NTN1: variants seen among roughly 807,000 people sequenced by gnomAD.
NTN1 encodes netrin 1, also known as netrin-1.
NTN1 carries 11 observed loss-of-function variants against 54.2 expected under a neutral mutation model. The observed-to-expected ratio is 0.20, with a 90% CI of 0.13 to 0.34. The LOEUF is 0.34. Among genes scored for constraint, NTN1 ranks in the 10% least tolerant of loss-of-function variants. The probability of loss-of-function intolerance (pLI) is 1.00; values close to 1 mark genes in which losing one functional copy is unlikely to be tolerated. For missense variants in NTN1, 740 were observed against 893.1 expected (o/e 0.83, Z 2.18); for synonymous variants, 371 against 382.0 (o/e 0.97, Z 0.33).
chr17:9,137,563 T>C (rs8077560), intron 2 of NTN1, among the ~76,000 whole-genome samples: 17,685 of 152,050 alleles, frequency 0.12, 2,136 homozygotes, highest in African/African-American at 0.31. Context: ...GAGGCCAAGG[T>C]GGGTGGATCA....
At chr17:9,015,479 G>A in the NTN1 span, among the ~76,000 whole-genome samples, 1 of 151,934 alleles carries the variant, frequency 6.6e-6, no homozygotes, top group African/African-American at 2.4e-5. Flanking sequence ...CAAGACAAAG[G>A]CACCCCCGGC....
At chr17:9,231,696 C>T (rs879262057) in intron 6 of NTN1, among the ~76,000 whole-genome samples, 4 of 150,476 alleles carry the variant, frequency 2.7e-5, no homozygotes, top group Non-Finnish European at 5.9e-5. Context: ...GGTTCTCAGC[C>T]GGGCCACTCC....
intron 2 of NTN1, among the ~76,000 whole-genome samples, chr17:9,155,819 G>T (rs1310131649): frequency 6.6e-6 from 1 of 152,180 alleles, no homozygotes; most frequent in Non-Finnish European, 1.5e-5. Context: ...ACTGTCCTGT[G>T]CATTGTAGGA....
intron 6 of NTN1, among the ~76,000 whole-genome samples, chr17:9,237,956 C>G (rs1906047741): frequency 1.3e-5 from 2 of 152,292 alleles, no homozygotes; most frequent in South Asian, 4.1e-4. Context: ...GTGCAAAGTT[C>G]AGGATGCCCA....
At chr17:9,228,844 G>A (rs1905687725) in intron 6 of NTN1, among the ~76,000 whole-genome samples, 1 of 140,262 alleles carries the variant, frequency 7.1e-6, no homozygotes, top group African/African-American at 2.8e-5. Context: ...GTGTGTGTGT[G>A]TGTGTGTGAC....
At chr17:9,127,549 G>A (rs971558436) in intron 2 of NTN1, among the ~76,000 whole-genome samples, 2 of 152,090 alleles carry the variant, frequency 1.3e-5, no homozygotes, top group African/African-American at 4.8e-5. Context: ...GGTGGCAGGT[G>A]CAGAGAAGAG....
At chr17:9,223,225 A>C (rs1454274967) in intron 6 of NTN1, among the ~76,000 whole-genome samples, 1 of 152,206 alleles carries the variant, frequency 6.6e-6, no homozygotes, top group Non-Finnish European at 1.5e-5. Flanking sequence ...GTGCGTCTCC[A>C]AGCCAGGAAA....
chr17:9,214,178 C>G (rs79426914), intron 5 of NTN1, among the ~76,000 whole-genome samples: 11,801 of 152,084 alleles, frequency 0.078, 524 homozygotes, highest in Non-Finnish European at 0.092. Context: ...GAATTGAATG[C>G]ATTTCATTTA....
chr17:9,213,701 C>T (rs1400872231), intron 5 of NTN1, among the ~76,000 whole-genome samples: 1 of 152,166 alleles, frequency 6.6e-6, no homozygotes, highest in African/African-American at 2.4e-5. Flanking sequence ...AGCTTTCCAT[C>T]TTTTTCTGTG....
intron 2 of NTN1, among the ~76,000 whole-genome samples, chr17:9,061,714 G>GT (rs1208691209): frequency 2.0e-5 from 3 of 151,464 alleles, no homozygotes; most frequent in East Asian, 1.9e-4. Flanking sequence ...GTTTTGTTTT[G>GT]TTTTTTTGAG....
intron 2 of NTN1, among the ~76,000 whole-genome samples, chr17:9,088,617 AC>A (rs1242592792): frequency 6.6e-6 from 1 of 151,952 alleles, no homozygotes; most frequent in African/African-American, 2.4e-5. Context: ...GAGGACTGAG[AC>A]CCCAGGGCAG....
intron 2 of NTN1, among the ~76,000 whole-genome samples, chr17:9,141,880 G>A (rs143046759): frequency 0.027 from 4,043 of 152,184 alleles, 60 homozygotes; most frequent in Middle Eastern, 0.044. Flanking sequence ...TGGCCAACAT[G>A]GTGAAACCCT....
At chr17:9,004,032 A>G in the NTN1 span, among the ~76,000 whole-genome samples, 1 of 152,152 alleles carries the variant, frequency 6.6e-6, no homozygotes, top group Non-Finnish European at 1.5e-5. Flanking sequence ...GCGGGGGCCG[A>G]GGGAAACGGG....
chr17:9,010,905 TA>T, the NTN1 span, among the ~76,000 whole-genome samples: 1 of 152,156 alleles, frequency 6.6e-6, no homozygotes, highest in Non-Finnish European at 1.5e-5. Context: ...TGGTAATGTG[TA>T]ATGAGATAAT....
chr17:9,193,614 G>A (rs1271052044), intron 5 of NTN1, among the ~76,000 whole-genome samples: 2 of 152,036 alleles, frequency 1.3e-5, no homozygotes, highest in Admixed American at 6.6e-5. Context: ...TGTTTTGCTC[G>A]CTGGTTTAAT....
chr17:9,126,754 A>T (rs780970519), intron 2 of NTN1, among the ~76,000 whole-genome samples: 1 of 152,074 alleles, frequency 6.6e-6, no homozygotes, highest in Non-Finnish European at 1.5e-5. Flanking sequence ...TCAAGCACAG[A>T]TAGAGGGAAC....
chr17:9,018,742 C>G (rs996375538), upstream of NTN1, among the ~76,000 whole-genome samples: 1 of 152,034 alleles, frequency 6.6e-6, no homozygotes, highest in Non-Finnish European at 1.5e-5. Context: ...GTCAGCTGAG[C>G]ACCCCAATTT....
intron 2 of NTN1, among the ~76,000 whole-genome samples, chr17:9,131,210 C>A (rs909098051): frequency 1.3e-5 from 2 of 152,208 alleles, no homozygotes; most frequent in African/African-American, 2.4e-5. Context: ...TCCGTGATCA[C>A]CCTGTAGAAA....
At position 9,240,413 on chromosome 17, in the gene NTN1, C is replaced by T. The variant is rs976311420; in HGVS notation, c.*445C>T. Reference sequence around the variant, plus strand: ...GTGGACGGGAGGAGAACTGTGAATTCTCAAGCCCGTAGTGTGGGCGGGGCG... The same window carrying T: ...GTGGACGGGAGGAGAACTGTGAATTTTCAAGCCCGTAGTGTGGGCGGGGCG... On this transcript the variant is annotated 3_prime_UTR_variant, in exon 7 of 7. Transcript: ENST00000173229. 3.3e-5 allele frequency: 5 copies of T among 152,090 alleles called. No individual in the cohort carries two copies. The highest frequency in any genetic ancestry group is 1.9e-4 in the East Asian group (1 of 5,164). 9.4% of individuals were successfully genotyped at this position (152,090 alleles called of 1,614,324 possible).
Sources: allele counts gnomAD v4.1 joint callset (sites outside exome capture counted in the v4.1 genomes callset), GRCh38; gene constraint gnomAD v4.1.1; transcripts MANE v1.5; gene names NCBI Gene and HGNC (gene_info 2026-07-23, HGNC 2026-07-21).